POLE3: variants seen among roughly 807,000 people sequenced by gnomAD.
The protein encoded by POLE3 is DNA polymerase epsilon subunit 3.
In POLE3, 10 loss-of-function variants were observed where a neutral mutation model predicts 16.1. The ratio of observed to expected loss-of-function variants is 0.62; its 90% CI spans 0.38 to 1.05. POLE3 has a LOEUF of 1.05. Among genes scored for constraint, POLE3 ranks in the 50% least tolerant of loss-of-function variants. The probability of loss-of-function intolerance (pLI) is 0.01; values close to 1 mark genes in which losing one functional copy is unlikely to be tolerated. For synonymous variants in POLE3, 83 were observed against 71.0 expected (o/e 1.17, Z -0.85); for missense variants, 169 against 185.0 (o/e 0.91, Z 0.50).
At position 113,408,049 on chromosome 9, in the gene POLE3, G is replaced by A. The variant is rs559194361; in HGVS notation, c.*762C>T. On this transcript the variant is annotated 3_prime_UTR_variant, in exon 5 of 5. Transcript: ENST00000374171. ...TGATGACAAATCCTAAAGCTGTACA[G>A]TAGCAGAGAGTAAGGTACATCTGAC... 3.9e-5 allele frequency: 6 copies of A among 152,540 alleles called. No individual in the cohort carries two copies. The highest frequency in any genetic ancestry group is 4.8e-5 in the African/African-American group (2 of 41,458). The allele number at this position is 152,540 out of a possible 1,614,324, so 9.4% of individuals were successfully genotyped here.
chr9:113,409,284 CAGG>C (rs1167164823), intron 4 of POLE3, among the ~76,000 whole-genome samples: 4 of 149,274 alleles, frequency 2.7e-5, no homozygotes, highest in Non-Finnish European at 3.0e-5. Context: ...TGCTTGAACC[CAGG>C]AGGAGGAGAC....
At chr9:113,409,163 A>G (rs962397086) in intron 4 of POLE3, among the ~76,000 whole-genome samples, 180 bp from the exon 5 acceptor site, 9 of 152,002 alleles carry the variant, frequency 5.9e-5, no homozygotes. Context: ...GGAGTTCAAG[A>G]CCAGCCTGGC....
rs1300707412 is a variant in POLE3 at position 113,407,255 on chromosome 9, T to C, written c.*1556A>G. The C allele has an allele frequency of 6.6e-6, 1 of 152,236 alleles. No individual in the cohort carries two copies. The highest frequency in any genetic ancestry group is 1.5e-5 in the Non-Finnish European group (1 of 68,024). The allele number at this position is 152,236 out of a possible 1,614,324, so 9.4% of individuals were successfully genotyped here. A position where few individuals can be genotyped will look rare whatever the true frequency, so the allele number is the denominator to read the frequency against. ...CATCATTTTTTAACAAGACTTTTATTTGTACAAAGCATTACAATCTTCTCA... is the reference window on the plus strand; with the variant it reads ...CATCATTTTTTAACAAGACTTTTATCTGTACAAAGCATTACAATCTTCTCA... On this transcript the variant is annotated 3_prime_UTR_variant, in exon 5 of 5. Coordinates refer to ENST00000374171, the MANE Select transcript of POLE3 (RefSeq NM_017443.5).
chr9:113,410,553 C>G (rs890015753), intron 1 of POLE3, 64 bp downstream of exon 1: 2 of 577,118 alleles, frequency 3.5e-6, no homozygotes, highest in Non-Finnish European at 6.2e-6. Context: ...TACCGCACCC[C>G]GCACGCCCCT....
chr9:113,410,329 G>A lies in POLE3; in HGVS notation c.-36C>T, dbSNP rs756038338. The A allele has an allele frequency of 5.7e-6, 9 of 1,588,586 alleles. No homozygotes were observed. Among genetic ancestry groups the A allele is most frequent in the South Asian group, 1.1e-5 (1 of 89,234 alleles). ...GGGGCTTAAACTCCCCTTCGCCTCC[G>A]CTTCAGGGAGCTACTGCGTCCGGAC... On this transcript the variant is annotated 5_prime_UTR_variant, in exon 2 of 5. Transcript: ENST00000374171.
chr9:113,409,761 T>C (rs1453995205), intron 3 of POLE3, 33 bp from the exon 4 acceptor site: 1 of 1,406,594 alleles, frequency 7.1e-7, no homozygotes, highest in Non-Finnish European at 1.0e-6. Context: ...AGACTCCCTC[T>C]TGTTTGTAAG....
At position 113,408,608 on chromosome 9, in the gene POLE3, A is replaced by C; in HGVS notation, c.*203T>G. 4.2e-6 allele frequency: 2 copies of C among 481,602 alleles called. No homozygotes were observed. The allele number at this position is 481,602 out of a possible 1,614,324, so 29.8% of individuals were successfully genotyped here. On this transcript the variant is annotated 3_prime_UTR_variant, in exon 5 of 5. Coordinates refer to ENST00000374171, the MANE Select transcript of POLE3 (RefSeq NM_017443.5). ...AAAGGCCATAACCTTCAGATTGATG[A>C]AGCAAAACAGGATTCTGCTACTCAG...
chr9:113,410,555 C>T, intron 1 of POLE3, 62 bp downstream of exon 1: 1 of 577,246 alleles, frequency 1.7e-6, no homozygotes, highest in Admixed American at 3.0e-5. Context: ...CCGCACCCCG[C>T]ACGCCCCTCC....
chr9:113,410,531 T>C lies in POLE3; in HGVS notation c.-116+86A>G, dbSNP rs187035528. On this transcript the variant is annotated intron_variant, in intron 1 of 4. Coordinates refer to ENST00000374171, the MANE Select transcript of POLE3 (RefSeq NM_017443.5). ...GCAGTGGTTTTGGCCCGCCAAGGCT[T>C]CCATCCAACCCTACCGCACCCCGCA... 3,469 of 594,240 alleles carry C rather than the reference T, an allele frequency of 5.8e-3. 25 individuals carry two copies. Among genetic ancestry groups the C allele is most frequent in the Non-Finnish European group, 8.5e-3 (2,810 of 331,434 alleles). 36.8% of individuals were successfully genotyped at this position (594,240 alleles called of 1,614,324 possible).
rs1368935886 is a variant in POLE3, at chr9:113,407,240, T to C, written c.*1571A>G. ...GCATGAAACAGGAGGCATCATTTTTTAACAAGACTTTTATTTGTACAAAGC... is the reference window on the plus strand; with the variant it reads ...GCATGAAACAGGAGGCATCATTTTTCAACAAGACTTTTATTTGTACAAAGC... On this transcript the variant is annotated 3_prime_UTR_variant, in exon 5 of 5. Coordinates refer to ENST00000374171, the MANE Select transcript of POLE3 (RefSeq NM_017443.5). The C allele has an allele frequency of 1.3e-5, 2 of 152,216 alleles. No homozygotes were observed. Among genetic ancestry groups the C allele is most frequent in the Admixed American group, 1.3e-4 (2 of 15,282 alleles). The allele number at this position is 152,216 out of a possible 1,614,324, so 9.4% of individuals were successfully genotyped here. A position where few individuals can be genotyped will look rare whatever the true frequency, so the allele number is the denominator to read the frequency against.
chr9:113,409,099 C>T (rs1035142527), intron 4 of POLE3, 116 bp from the exon 5 acceptor site: 36 of 863,806 alleles, frequency 4.2e-5, no homozygotes, highest in Middle Eastern at 3.5e-4. Flanking sequence ...CGGTGGCTCA[C>T]GCCTGTAATC....
In POLE3 at chr9:113,410,201, TTCGTCCGCCCCCCCCGAG is replaced by T. The variant is rs749627776; in HGVS notation, c.66+9_66+26del. 6.2e-7 allele frequency: 1 copy of T among 1,612,468 alleles called. No homozygotes were observed. The highest frequency in any genetic ancestry group is 8.5e-7 in the Non-Finnish European group (1 of 1,179,432). On this transcript the variant is annotated intron_variant, in intron 2 of 4. Coordinates refer to ENST00000374171, the MANE Select transcript of POLE3 (RefSeq NM_017443.5). ...CCAGCACCTGCTTCCCTCCTGCCCG[TTCGTCCGCCCCCCCCGAG>T]CTGCTCACCGCCTCCTTGATGATCC...
intron 4 of POLE3, 49 bp from the exon 5 acceptor site, chr9:113,409,032 G>A (rs1178811843): frequency 1.3e-6 from 2 of 1,552,038 alleles, no homozygotes; most frequent in Non-Finnish European, 1.8e-6. Flanking sequence ...AAGTGAGCCA[G>A]ACGGACTGCA....
Position 113,410,407 on chromosome 9 carries a change from G to A in POLE3, c.-114C>T, listed in dbSNP as rs1828078438. On this transcript the variant is annotated splice_region_variant and 5_prime_UTR_variant, in exon 2 of 5. Coordinates refer to ENST00000374171, the MANE Select transcript of POLE3 (RefSeq NM_017443.5). ...CGAGGTTTCCGTTCCGCCCCACGTGGCCTACAGTGTCCCACAGTGCTCTGA... is the reference window on the plus strand; with the variant it reads ...CGAGGTTTCCGTTCCGCCCCACGTGACCTACAGTGTCCCACAGTGCTCTGA... 1 of 961,048 alleles carries A rather than the reference G, an allele frequency of 1.0e-6. No individual in the cohort carries two copies. The highest frequency in any genetic ancestry group is 1.6e-6 in the Non-Finnish European group (1 of 622,856). 59.5% of individuals were successfully genotyped at this position (961,048 alleles called of 1,614,324 possible). A position where few individuals can be genotyped will look rare whatever the true frequency, so the allele number is the denominator to read the frequency against.
chr9:113,409,229 G>C (rs773160586), intron 4 of POLE3, among the ~76,000 whole-genome samples: 5 of 151,872 alleles, frequency 3.3e-5, no homozygotes, highest in Admixed American at 1.3e-4. Flanking sequence ...ACGTGGTGGC[G>C]TGCGCCTGTA....
In POLE3 at chr9:113,408,542, A is replaced by G. The variant is rs537712572; in HGVS notation, c.*269T>C. 2 of 267,948 alleles carry G rather than the reference A, an allele frequency of 7.5e-6. No individual in the cohort carries two copies. Among genetic ancestry groups the G allele is most frequent in the East Asian group, 1.5e-4 (2 of 13,292 alleles). 16.6% of individuals were successfully genotyped at this position (267,948 alleles called of 1,614,324 possible). A position where few individuals can be genotyped will look rare whatever the true frequency, so the allele number is the denominator to read the frequency against. ...CCATACATTTAAGTAAACAAAAGCGAGCAAACTGACTAATTTAGTCGTTCA... is the reference window on the plus strand; with the variant it reads ...CCATACATTTAAGTAAACAAAAGCGGGCAAACTGACTAATTTAGTCGTTCA... On this transcript the variant is annotated 3_prime_UTR_variant, in exon 5 of 5. Coordinates refer to ENST00000374171, the MANE Select transcript of POLE3 (RefSeq NM_017443.5).
rs1300266005 is a variant in POLE3 at position 113,409,645 on chromosome 9, T to C, written c.236A>G (p.Gln79Arg). The C allele has an allele frequency of 4.3e-6, 7 of 1,612,662 alleles. No homozygotes were observed. Among genetic ancestry groups the C allele is most frequent in the Non-Finnish European group, 5.9e-6 (7 of 1,178,802 alleles). The change falls in exon 4 of 5, where the codon CAG (glutamine) becomes CGG (arginine). Residue 79 changes from glutamine (Q) to arginine (R), a missense_variant. Coordinates refer to ENST00000374171, the MANE Select transcript of POLE3 (RefSeq NM_017443.5). ...VLSAMEEMEF[Q>R]RFVTPLKEAL... ...TTCTTTCAATGGGGTAACGAACCGC[T>C]GGAACTCCATCTCTTCCATGGCTGA...
chr9:113,408,092 T>C lies in POLE3; in HGVS notation c.*719A>G, dbSNP rs1411576363. 6.6e-6 allele frequency: 1 copy of C among 152,428 alleles called. No homozygotes were observed. Among genetic ancestry groups the C allele is most frequent in the African/African-American group, 2.4e-5 (1 of 41,442 alleles). The allele number at this position is 152,428 out of a possible 1,614,324, so 9.4% of individuals were successfully genotyped here. Reference sequence around the variant, plus strand: ...CATCTGACACTATGCCATCTGTTTTTGTAAAAGACACTGGCACCATGTTTG... The same window carrying C: ...CATCTGACACTATGCCATCTGTTTTCGTAAAAGACACTGGCACCATGTTTG... On this transcript the variant is annotated 3_prime_UTR_variant, in exon 5 of 5. Transcript: ENST00000374171.
At position 113,408,481 on chromosome 9, in the gene POLE3, G is replaced by A. The variant is rs759145980; in HGVS notation, c.*330C>T. 7.6e-5 allele frequency: 14 copies of A among 184,536 alleles called. No individual in the cohort carries two copies. The highest frequency in any genetic ancestry group is 4.6e-4 in the South Asian group (4 of 8,788). The allele number at this position is 184,536 out of a possible 1,614,324, so 11.4% of individuals were successfully genotyped here. ...ATGGAAGTTATTATTACTTATTTGG[G>A]GGACTAGGGAAGACTGCAGATCAAA... is the stretch of plus-strand genomic sequence containing the variant. On this transcript the variant is annotated 3_prime_UTR_variant, in exon 5 of 5. Coordinates refer to ENST00000374171, the MANE Select transcript of POLE3 (RefSeq NM_017443.5).
Sources: gnomAD v4.1 joint callset for allele counts (sites outside exome capture counted in the v4.1 genomes callset) on GRCh38, gnomAD v4.1.1 for gene constraint, MANE v1.5 for transcripts, NCBI Gene and HGNC (gene_info 2026-07-23, HGNC 2026-07-21) for gene names.